The following ATAD2 variants were observed in gnomAD, a reference collection of about 807,000 sequenced individuals.
ATAD2 encodes the protein ATPase family AAA domain containing 2, also known as ATPase family AAA domain-containing protein 2.
ATAD2 carries 62 observed loss-of-function variants against 168.9 expected under a neutral mutation model. That is an observed-to-expected ratio of 0.37 (90% CI 0.30 to 0.45). The LOEUF (loss-of-function observed/expected upper bound fraction) is 0.45. Among genes scored for constraint, ATAD2 ranks in the 20% least tolerant of loss-of-function variants. The pLI is 1.00. For synonymous variants in ATAD2, 613 were observed against 571.6 expected, an observed-to-expected ratio of 1.07 and a Z score of -1.03; for missense variants, 1,419 against 1,667.8, an observed-to-expected ratio of 0.85 and a Z score of 2.60.
rs1224142572 is a variant in ATAD2 at position 123,370,098 on chromosome 8, GGAGA to G, written c.728-78_728-75del. On this transcript the variant is annotated intron_variant, in intron 6 of 27. Coordinates refer to ENST00000287394, the MANE Select transcript of ATAD2 (RefSeq NM_014109.4). ...AACAATTTTTAACATAGGTGAGTTG[GGAGA>G]GAAAGATCCACCCTTTTAAAACTTA... The G allele has an allele frequency of 8.6e-6, 12 of 1,387,498 alleles. No homozygotes were observed. In the African/African-American group the frequency reaches 1.0e-4, roughly 12 times the overall value. 85.9% of individuals were successfully genotyped at this position (1,387,498 alleles called of 1,614,324 possible). A position where few individuals can be genotyped will look rare whatever the true frequency, so the allele number is the denominator to read the frequency against.
intron 1 of ATAD2, among the ~76,000 whole-genome samples, chr8:123,389,422 G>T (rs1473904913): frequency 6.7e-6 from 1 of 150,334 alleles, no homozygotes; most frequent in Non-Finnish European, 1.5e-5. Context: ...GGCGGATCAC[G>T]AAGTCGGGAG....
intron 1 of ATAD2, among the ~76,000 whole-genome samples, chr8:123,414,196 G>A (rs1813206313): frequency 6.7e-6 from 1 of 148,594 alleles, no homozygotes; most frequent in Non-Finnish European, 1.5e-5. Flanking sequence ...TATATTATAT[G>A]CTACCAACTA....
intron 19 of ATAD2, 56 bp downstream of exon 19, chr8:123,344,827 AT>A: frequency 6.5e-7 from 1 of 1,546,874 alleles, no homozygotes; most frequent in East Asian, 2.2e-5. Flanking sequence ...AGTTATGATT[AT>A]TGTGGTAGAA....
chr8:123,368,419 C>T (rs1942183601), intron 8 of ATAD2, among the ~76,000 whole-genome samples: 2 of 151,928 alleles, frequency 1.3e-5, no homozygotes, highest in Admixed American at 6.6e-5. Flanking sequence ...CTCTGCTCCG[C>T]CCCCACCCTC....
chr8:123,320,884 C>A lies in ATAD2; in HGVS notation c.*250G>T. On this transcript the variant is annotated 3_prime_UTR_variant, in exon 28 of 28. Transcript: ENST00000287394. ...CAAAATAACTTTATTAAGAGTTGGC[C>A]AAACTTCAACTATTATTACTATTAC... 1 of 381,844 alleles carries A rather than the reference C, an allele frequency of 2.6e-6. No homozygotes were observed. Among genetic ancestry groups the A allele is most frequent in the Non-Finnish European group, 4.6e-6 (1 of 217,594 alleles). The allele number at this position is 381,844 out of a possible 1,614,324, so 23.7% of individuals were successfully genotyped here.
At chr8:123,392,770 A>G (rs1762607814) in intron 1 of ATAD2, among the ~76,000 whole-genome samples, 1 of 152,192 alleles carries the variant, frequency 6.6e-6, no homozygotes, top group Non-Finnish European at 1.5e-5. Flanking sequence ...AAGGGGTAGA[A>G]AAAGATGTCA....
At chr8:123,409,833 G>A (rs2130046140) in intron 1 of ATAD2, among the ~76,000 whole-genome samples, 2 of 151,672 alleles carry the variant, frequency 1.3e-5, no homozygotes, top group South Asian at 4.2e-4. Context: ...CTACTCGGGA[G>A]GCTGAGGCAG....
At chr8:123,348,346 A>G in intron 14 of ATAD2, 73 bp from the exon 15 acceptor site, 4 of 1,180,176 alleles carry the variant, frequency 3.4e-6, no homozygotes, top group Non-Finnish European at 3.5e-6. Context: ...AATTTTGATT[A>G]AAATACTTTT....
chr8:123,371,527 A>C, intron 4 of ATAD2, 143 bp downstream of exon 4: 1 of 845,228 alleles, frequency 1.2e-6, no homozygotes, highest in Non-Finnish European at 1.8e-6. Context: ...CAGAATTGTC[A>C]CAAAGACCTC....
chr8:123,411,985 A>T (rs1314712841), intron 1 of ATAD2, among the ~76,000 whole-genome samples: 2 of 152,152 alleles, frequency 1.3e-5, no homozygotes, highest in East Asian at 3.9e-4. Context: ...TGATCCTGTG[A>T]GCATCTTTTG....
At chr8:123,342,950 G>A (rs1828104494) in intron 19 of ATAD2, among the ~76,000 whole-genome samples, 1 of 150,562 alleles carries the variant, frequency 6.6e-6, no homozygotes, top group Admixed American at 6.6e-5. Flanking sequence ...ACTACCTTAC[G>A]TTTTCCACGT....
At position 123,346,737 on chromosome 8, in the gene ATAD2, AG is replaced by A; in HGVS notation, c.2225del (p.Pro742LeufsTer3). On this transcript the variant is annotated frameshift_variant, in exon 17 of 28. Transcript: ENST00000287394. LOFTEE classifies it high-confidence loss of function. ...NKTLDSDISCPLLESDLAYSD... is the reference protein window; with the variant it reads ...NKTLDSDISCXLLESDLAYSD... ...TGTAAGCCAAGTCACTTTCTAGCAG[AG>A]GACAAGAAATATCTATAAAACCAAA... 6.3e-7 allele frequency: 1 copy of A among 1,585,128 alleles called. No homozygotes were observed. The highest frequency in any genetic ancestry group is 8.5e-7 in the Non-Finnish European group (1 of 1,172,156).
At chr8:123,386,098 G>T (rs1057225551) in intron 1 of ATAD2, among the ~76,000 whole-genome samples, 3 of 151,668 alleles carry the variant, frequency 2.0e-5, no homozygotes, top group Non-Finnish European at 4.4e-5. Flanking sequence ...GTTGCTGGTG[G>T]TAACATAAAA....
intron 6 of ATAD2, among the ~76,000 whole-genome samples, chr8:123,370,509 T>A (rs955908059): frequency 2.0e-5 from 3 of 152,124 alleles, no homozygotes; most frequent in African/African-American, 7.2e-5. Flanking sequence ...TGGTAAAACA[T>A]GCTCACCAAA....
At chr8:123,370,817 C>T (rs1006635297) in intron 6 of ATAD2, 86 bp downstream of exon 6, 1 of 941,620 alleles carries the variant, frequency 1.1e-6, no homozygotes, top group Non-Finnish European at 1.6e-6. Flanking sequence ...ATAAATGTCA[C>T]ACCTTCTAGC....
At chr8:123,409,706 G>A (rs573279652) in intron 1 of ATAD2, among the ~76,000 whole-genome samples, 46 of 151,950 alleles carry the variant, frequency 3.0e-4, no homozygotes, top group East Asian at 1.2e-3. Flanking sequence ...AGGGGCTCGC[G>A]TCTGTAATCC....
At chr8:123,361,727 T>C (rs1233750734) in intron 8 of ATAD2, 81 bp from the exon 9 acceptor site, 12 of 1,113,788 alleles carry the variant, frequency 1.1e-5, no homozygotes, top group Non-Finnish European at 1.6e-5. Flanking sequence ...CAGAAATACC[T>C]AATGCTCCAA....
intron 9 of ATAD2, among the ~76,000 whole-genome samples, chr8:123,360,087 C>T (rs997484802): frequency 2.6e-5 from 4 of 152,098 alleles, no homozygotes; most frequent in African/African-American, 9.7e-5. Context: ...ATCCTCACAA[C>T]AGTCTTATGA....
intron 1 of ATAD2, among the ~76,000 whole-genome samples, chr8:123,388,010 T>C (rs1194091608): frequency 6.6e-6 from 1 of 152,210 alleles, no homozygotes; most frequent in Non-Finnish European, 1.5e-5. Context: ...TATATCACTA[T>C]AGTTGTGATA....
Sources: gnomAD v4.1 joint callset for allele counts (sites outside exome capture counted in the v4.1 genomes callset) on GRCh38, gnomAD v4.1.1 for gene constraint, MANE v1.5 for transcripts, NCBI Gene and HGNC (gene_info 2026-07-23, HGNC 2026-07-21) for gene names.